Variants in TENM2 observed in about 807,000 individuals in gnomAD.
TENM2 encodes teneurin-2.
TENM2 carries 52 observed loss-of-function variants against 245.2 expected under a neutral mutation model. That is an observed-to-expected ratio of 0.21 (90% CI 0.17 to 0.27). The LOEUF is 0.27. Ranked by LOEUF, TENM2 falls within the 10% of genes least tolerant of loss-of-function variation. The pLI, the probability that TENM2 is intolerant of heterozygous loss-of-function variation, is 1.00. For missense variants in TENM2, 3,046 were observed against 3,666.8 expected, an observed-to-expected ratio of 0.83 and a Z score of 4.37; for synonymous variants, 1,363 against 1,438.9, an observed-to-expected ratio of 0.95 and a Z score of 1.19.
At chr5:167,532,288 G>GCT (rs201584195) in intron 2 of TENM2, among the ~76,000 whole-genome samples, 28 of 148,842 alleles carry the variant, frequency 1.9e-4, no homozygotes, top group Non-Finnish European at 2.8e-4. Context: ...TGTCATGCAT[G>GCT]CTCTCTCTCT....
chr5:167,900,075 TC>T (rs1775564005), intron 3 of TENM2, among the ~76,000 whole-genome samples: 1 of 140,708 alleles, frequency 7.1e-6, no homozygotes, highest in South Asian at 2.5e-4. Context: ...TCATGCCGTT[TC>T]TTACAGTATC....
intron 2 of TENM2, among the ~76,000 whole-genome samples, chr5:167,611,051 A>C (rs192149502): frequency 7.9e-5 from 12 of 152,316 alleles, no homozygotes; most frequent in Admixed American, 5.2e-4. Context: ...ATGGTCATCT[A>C]CTTTGGGCAT....
the TENM2 span, among the ~76,000 whole-genome samples, chr5:167,132,180 G>T: frequency 6.6e-6 from 1 of 151,942 alleles, no homozygotes; most frequent in South Asian, 2.1e-4. Flanking sequence ...CTTTTTTAGT[G>T]ATATATAACA....
Position 168,226,098 on chromosome 5 carries a change from G to A in TENM2, c.5119G>A (p.Glu1707Lys), listed in dbSNP as rs781107567. Residue 1707 changes from glutamate (E) to lysine (K), a missense_variant, in exon 24 of 29, where the codon GAA (glutamate) becomes AAA (lysine). Physicochemically the swap from Glu to Lys is moderately conservative, Grantham distance 56 (BLOSUM62 1). This residue lies in a region of TENM2 where 2,704 missense variants were observed against 3,331.9 expected (regional missense o/e 0.81). Transcript: ENST00000518659. ...TCTATCTCCCCCCAGCTATGACCAC[G>A]AAGGCCGCCTGACCAACGTGACGCG... 5.0e-6 allele frequency: 8 copies of A among 1,613,108 alleles called. No homozygotes were observed. The highest frequency in any genetic ancestry group is 2.2e-5 in the South Asian group (2 of 90,924).
chr5:167,136,581 A>G, the TENM2 span, among the ~76,000 whole-genome samples: 1 of 152,162 alleles, frequency 6.6e-6, no homozygotes, highest in Non-Finnish European at 1.5e-5. Context: ...ATTAAATTAC[A>G]TTTTGATCCA....
At chr5:167,878,719 G>A (rs1403148041) in intron 3 of TENM2, among the ~76,000 whole-genome samples, 2 of 152,088 alleles carry the variant, frequency 1.3e-5, no homozygotes, top group African/African-American at 4.8e-5. Context: ...AGTTTGACAC[G>A]GAAGATGCAA....
At chr5:167,646,007 G>A (rs1048357964) in intron 2 of TENM2, among the ~76,000 whole-genome samples, 1 of 151,188 alleles carries the variant, frequency 6.6e-6, no homozygotes, top group Non-Finnish European at 1.5e-5. Flanking sequence ...TCCCCAGATT[G>A]CTGTCACAGC....
At chr5:167,959,187 T>TC (rs1296911126) in intron 4 of TENM2, among the ~76,000 whole-genome samples, 2 of 143,074 alleles carry the variant, frequency 1.4e-5, no homozygotes, top group Non-Finnish European at 3.1e-5. Context: ...TCCTTTTCAT[T>TC]CTTTTTTTTT....
intron 2 of TENM2, among the ~76,000 whole-genome samples, chr5:167,610,774 A>G (rs1030861036): frequency 3.9e-5 from 6 of 152,096 alleles, no homozygotes; most frequent in Non-Finnish European, 8.8e-5. Flanking sequence ...TTTCCATGGG[A>G]TATTTTAGTT....
intron 2 of TENM2, among the ~76,000 whole-genome samples, chr5:167,435,290 T>G (rs1438111848): frequency 1.3e-5 from 2 of 152,206 alleles, no homozygotes; most frequent in South Asian, 4.1e-4. Flanking sequence ...CCACATGTTG[T>G]AGGAGGAACC....
chr5:167,031,753 C>T, the TENM2 span, among the ~76,000 whole-genome samples: 1 of 152,036 alleles, frequency 6.6e-6, no homozygotes, highest in Non-Finnish European at 1.5e-5. Context: ...TTAGTAGAGA[C>T]GGGGTTTCTC....
At chr5:168,170,769 G>A (rs190596706) in intron 13 of TENM2, among the ~76,000 whole-genome samples, 169 of 151,086 alleles carry the variant, frequency 1.1e-3, no homozygotes, top group African/African-American at 3.8e-3. Flanking sequence ...GTTTTAGTAG[G>A]TTGATGCAAA....
chr5:167,858,004 C>T (rs375616165), intron 2 of TENM2, among the ~76,000 whole-genome samples: 2 of 152,210 alleles, frequency 1.3e-5, no homozygotes, highest in Non-Finnish European at 2.9e-5. Context: ...CTAAGGTTCC[C>T]TCTAAAGCTA....
At chr5:168,031,548 A>G (rs547298238) in intron 5 of TENM2, among the ~76,000 whole-genome samples, 6 of 152,254 alleles carry the variant, frequency 3.9e-5, no homozygotes, top group Non-Finnish European at 7.4e-5. Context: ...CCTGGGAGGT[A>G]GGAAGTTTTA....
chr5:167,445,336 T>TGGG (rs1554154176), intron 2 of TENM2, among the ~76,000 whole-genome samples: 23 of 77,310 alleles, frequency 3.0e-4, no homozygotes, highest in Admixed American at 1.0e-3. Flanking sequence ...TATATATATA[T>TGGG]AGAGAGAGAG....
chr5:167,733,380 A>G (rs1760574707), intron 2 of TENM2, among the ~76,000 whole-genome samples: 1 of 152,212 alleles, frequency 6.6e-6, no homozygotes, highest in Admixed American at 6.5e-5. Context: ...TGGTGTAAGT[A>G]TTCTCACTAT....
At chr5:167,797,326 A>G (rs1374550250) in intron 2 of TENM2, among the ~76,000 whole-genome samples, 2 of 152,156 alleles carry the variant, frequency 1.3e-5, no homozygotes, top group Non-Finnish European at 2.9e-5. Flanking sequence ...GCTTCCTTGC[A>G]TTAACTAGGA....
chr5:167,664,118 G>T (rs1755420343), intron 2 of TENM2, among the ~76,000 whole-genome samples: 1 of 152,108 alleles, frequency 6.6e-6, no homozygotes, highest in African/African-American at 2.4e-5. Context: ...AGTTGAGGGT[G>T]CATTCCATCC....
chr5:168,138,298 C>T (rs540087727), intron 12 of TENM2, among the ~76,000 whole-genome samples: 18 of 152,320 alleles, frequency 1.2e-4, no homozygotes, highest in East Asian at 7.7e-4. Flanking sequence ...ATAATACCTA[C>T]GACCTACTGT....
Sources: allele counts gnomAD v4.1 joint callset (sites outside exome capture counted in the v4.1 genomes callset), GRCh38; gene constraint gnomAD v4.1.1; regional missense constraint gnomAD v4.1.1; transcripts MANE v1.5; gene names NCBI Gene and HGNC (gene_info 2026-07-23, HGNC 2026-07-21).